METTL24: variants seen among roughly 807,000 people sequenced by gnomAD.
METTL24 encodes the protein probable methyltransferase-like protein 24.
A neutral mutation model predicts 32.7 loss-of-function variants in METTL24; 29 were observed. That is an observed-to-expected ratio of 0.89 (90% CI 0.66 to 1.21). The LOEUF (loss-of-function observed/expected upper bound fraction) is 1.21, where lower values mean the gene tolerates loss of function less well. METTL24 is among the 50% of genes most tolerant of loss of function. METTL24 has a pLI of 0.00. For missense variants in METTL24, 439 were observed against 468.1 expected, an observed-to-expected ratio of 0.94 and a Z score of 0.57; for synonymous variants, 163 against 179.5, an observed-to-expected ratio of 0.91 and a Z score of 0.73.
chr6:110,253,814 T>C, intron 4 of METTL24: 1 of 1,078,382 alleles, frequency 9.3e-7, no homozygotes, highest in Non-Finnish European at 1.2e-6. Flanking sequence ...TCAAATCTGC[T>C]TTTTAACATA....
chr6:110,247,783 T>C (rs997130395), intron 4 of METTL24, among the ~76,000 whole-genome samples: 4 of 152,210 alleles, frequency 2.6e-5, no homozygotes, highest in African/African-American at 9.6e-5. Context: ...CTACCCATTC[T>C]TTCCTTTCTC....
intron 4 of METTL24, among the ~76,000 whole-genome samples, chr6:110,251,664 G>A (rs1385338499): frequency 6.6e-6 from 1 of 152,142 alleles, no homozygotes; most frequent in Non-Finnish European, 1.5e-5. Flanking sequence ...TGGCAGGTTT[G>A]GTGACTGGTG....
chr6:110,308,297 T>G (rs1771660548), intron 3 of METTL24, among the ~76,000 whole-genome samples: 1 of 152,020 alleles, frequency 6.6e-6, no homozygotes, highest in South Asian at 2.1e-4. Flanking sequence ...GCAGAAGGGG[T>G]GGGTTGTGGC....
intron 4 of METTL24, among the ~76,000 whole-genome samples, chr6:110,267,025 C>T (rs1770869234): frequency 6.6e-6 from 1 of 151,950 alleles, no homozygotes. Context: ...TCAAGCTTCA[C>T]TTGAGGGACC....
chr6:110,283,827 C>T (rs1359679907), intron 4 of METTL24, among the ~76,000 whole-genome samples: 1 of 152,144 alleles, frequency 6.6e-6, no homozygotes, highest in Non-Finnish European at 1.5e-5. Flanking sequence ...CTTCTGGGAA[C>T]ATACCCAAAA....
intron 4 of METTL24, among the ~76,000 whole-genome samples, chr6:110,288,481 C>T (rs144701524): frequency 5.3e-4 from 80 of 151,962 alleles, no homozygotes; most frequent in African/African-American, 1.9e-3. Flanking sequence ...ATGTAACAAA[C>T]AAACCTACGA....
intron 4 of METTL24, among the ~76,000 whole-genome samples, chr6:110,294,448 C>T (rs186515695): frequency 9.4e-4 from 142 of 151,318 alleles, no homozygotes; most frequent in African/African-American, 2.9e-3. Context: ...CTAAAGGTAA[C>T]CATGAAGAAT....
At chr6:110,264,297 A>G (rs994285138) in intron 4 of METTL24, among the ~76,000 whole-genome samples, 4 of 152,254 alleles carry the variant, frequency 2.6e-5, no homozygotes, top group Admixed American at 2.0e-4. Context: ...CAACCCCATC[A>G]ACAAGTGGGG....
rs79202317 is a variant in METTL24 at position 110,326,648 on chromosome 6, C to T, written c.319-3776G>A. On this transcript the variant is annotated intron_variant, in intron 1 of 4. Coordinates refer to ENST00000338882, the MANE Select transcript of METTL24 (RefSeq NM_001123364.3). ...TCTATTTACAAAGGTGTGGGCAGGGCTTAAGGAAACCAATAAAGAATAAAT... is the reference window on the plus strand; with the variant it reads ...TCTATTTACAAAGGTGTGGGCAGGGTTTAAGGAAACCAATAAAGAATAAAT... 7.8e-3 allele frequency among the ~76,000 whole-genome samples: 1,181 copies of T among 152,244 alleles called. 16 individuals carry two copies. Among genetic ancestry groups the T allele is most frequent in the African/African-American group, 0.027 (1,105 of 41,536 alleles).
intron 1 of METTL24, among the ~76,000 whole-genome samples, chr6:110,326,166 C>T (rs1199390355): frequency 6.6e-6 from 1 of 152,208 alleles, no homozygotes; most frequent in Non-Finnish European, 1.5e-5. Context: ...TCCCCAAATA[C>T]CTTTGTTCCA....
chr6:110,343,297 CA>C (rs767595263), intron 1 of METTL24, among the ~76,000 whole-genome samples: 2 of 152,224 alleles, frequency 1.3e-5, no homozygotes, highest in Non-Finnish European at 2.9e-5. Flanking sequence ...TACCATAACA[CA>C]GCAGTAGCCA....
chr6:110,321,240 A>AAAAAG (rs559490506), intron 2 of METTL24, among the ~76,000 whole-genome samples: 4 of 152,140 alleles, frequency 2.6e-5, no homozygotes, highest in Admixed American at 6.5e-5. Flanking sequence ...CTGTCTCTGA[A>AAAAAG]AAAAGAAAAG....
intron 4 of METTL24, among the ~76,000 whole-genome samples, chr6:110,265,959 G>A (rs1298303333): frequency 1.3e-5 from 2 of 150,776 alleles, no homozygotes; most frequent in African/African-American, 2.5e-5. Context: ...GGAGTGTGGT[G>A]GTACAGTCAC....
intron 3 of METTL24, 67 bp downstream of exon 3, chr6:110,315,275 G>A: frequency 1.3e-6 from 2 of 1,567,732 alleles, no homozygotes; most frequent in Non-Finnish European, 1.7e-6. Context: ...ACTTTGTATT[G>A]CTGAAAAGGT....
intron 1 of METTL24, among the ~76,000 whole-genome samples, chr6:110,353,757 C>A (rs1445912159): frequency 6.6e-6 from 1 of 152,004 alleles, no homozygotes; most frequent in African/African-American, 2.4e-5. Context: ...CTCTCTTTTG[C>A]AAATGGGCCC....
chr6:110,302,660 C>CATATACACACACATACACGTGTGTATAT (rs1301803157), intron 3 of METTL24, among the ~76,000 whole-genome samples: 5 of 141,956 alleles, frequency 3.5e-5, no homozygotes, highest in Non-Finnish European at 7.5e-5. Flanking sequence ...TATATATACA[C>CATATACACACACATACACGTGTGTATAT]ATATACACAC....
At chr6:110,262,880 C>G (rs573560958) in intron 4 of METTL24, among the ~76,000 whole-genome samples, 1 of 152,318 alleles carries the variant, frequency 6.6e-6, no homozygotes, top group African/African-American at 2.4e-5. Context: ...ACATGATTAT[C>G]TCAATAGATG....
chr6:110,338,799 G>A (rs1772290623), intron 1 of METTL24, among the ~76,000 whole-genome samples: 1 of 152,152 alleles, frequency 6.6e-6, no homozygotes, highest in African/African-American at 2.4e-5. Flanking sequence ...ACAGCACTGA[G>A]CTAATTAGTC....
intron 4 of METTL24, among the ~76,000 whole-genome samples, chr6:110,262,965 T>C (rs1260711822): frequency 1.3e-5 from 2 of 152,180 alleles, no homozygotes; most frequent in Admixed American, 6.5e-5. Flanking sequence ...TGATGGGACG[T>C]ATCTCAAAAT....
Sources: gnomAD v4.1 joint callset for allele counts (sites outside exome capture counted in the v4.1 genomes callset) on GRCh38, gnomAD v4.1.1 for gene constraint, MANE v1.5 for transcripts, NCBI Gene and HGNC (gene_info 2026-07-23, HGNC 2026-07-21) for gene names.